The following C17orf78 variants were observed in gnomAD, a reference collection of about 807,000 sequenced individuals.
C17orf78 encodes the protein uncharacterized protein C17orf78.
Under a neutral mutation model 31.8 loss-of-function variants are expected in C17orf78, and 27 were observed. The ratio of observed to expected loss-of-function variants is 0.85; its 90% CI spans 0.63 to 1.17. The LOEUF (loss-of-function observed/expected upper bound fraction) is 1.17. C17orf78 is among the 50% of genes most tolerant of loss of function. The probability of loss-of-function intolerance (pLI) is 0.00; values close to 1 mark genes in which losing one functional copy is unlikely to be tolerated. For missense variants in C17orf78, 258 were observed against 315.2 expected, an observed-to-expected ratio of 0.82 and a Z score of 1.37; for synonymous variants, 106 against 115.1, an observed-to-expected ratio of 0.92 and a Z score of 0.51.
chr17:37,385,552 G>A (rs1037788041), intron 3 of C17orf78, among the ~76,000 whole-genome samples: 1 of 152,012 alleles, frequency 6.6e-6, no homozygotes, highest in African/African-American at 2.4e-5. Context: ...AGCTCCTCCT[G>A]CTTTCCCCAG....
intron 3 of C17orf78, among the ~76,000 whole-genome samples, chr17:37,382,468 T>C (rs2050340054): frequency 1.3e-5 from 2 of 151,896 alleles, no homozygotes; most frequent in African/African-American, 2.4e-5. Context: ...TTTAGAGAAA[T>C]TGGGGATCCA....
At chr17:37,379,009 C>G in intron 2 of C17orf78, 128 bp from the exon 3 acceptor site, 2 of 1,158,980 alleles carry the variant, frequency 1.7e-6, no homozygotes, top group Non-Finnish European at 2.4e-6. Context: ...GAGTTTGAGG[C>G]TGGAGTGAGC....
At chr17:37,386,984 A>G (rs2050565620) in intron 4 of C17orf78, 1 of 151,946 alleles carries the variant, frequency 6.6e-6, no homozygotes, top group Non-Finnish European at 1.5e-5. Flanking sequence ...TGTTCAGCTA[A>G]TTTTTAAATT....
intron 3 of C17orf78, among the ~76,000 whole-genome samples, chr17:37,382,763 G>T (rs922646857): frequency 1.3e-5 from 2 of 152,186 alleles, no homozygotes; most frequent in Admixed American, 6.5e-5. Context: ...AGGAGGCTGA[G>T]ACAGAAGAAT....
At position 37,386,047 on chromosome 17, in the gene C17orf78, G is replaced by C; in HGVS notation, c.430G>C (p.Ala144Pro). ...PGISQCKVLG[A>P]SSETFPTTAP... The stretch of plus-strand genomic sequence containing the variant: ...GATCTCACAATGTAAAGTCCTGGGG[G>C]CTTCATCAGAGACTTTTCCCACCAC... Residue 144 changes from alanine to proline, a missense_variant, in exon 4 of 7, where the codon GCT becomes CCT. Physicochemically the swap from Ala to Pro is conservative, Grantham distance 27. Transcript: ENST00000615133. 1 of 1,604,956 alleles carries C rather than the reference G, an allele frequency of 6.2e-7. No homozygotes were observed. The highest frequency in any genetic ancestry group is 8.5e-7 in the Non-Finnish European group (1 of 1,173,312).
At position 37,391,738 on chromosome 17, in the gene C17orf78, A is replaced by C. The variant is rs1218202365; in HGVS notation, c.*14A>C. 1 of 1,607,066 alleles carries C rather than the reference A, an allele frequency of 6.2e-7. No individual in the cohort carries two copies. The highest frequency in any genetic ancestry group is 8.5e-7 in the Non-Finnish European group (1 of 1,174,020). On this transcript the variant is annotated 3_prime_UTR_variant, in exon 7 of 7. Transcript: ENST00000615133. ...ACATACTTCTGAAAAGTTCTGCTCT[A>C]TCTCAAAGACTGAATGATACTACAC...
intron 1 of C17orf78, among the ~76,000 whole-genome samples, chr17:37,377,552 C>T (rs964723129): frequency 1.1e-4 from 16 of 151,978 alleles, no homozygotes; most frequent in Admixed American, 2.6e-4. Flanking sequence ...CCCAGCTACT[C>T]GGGAGGCTGA....
At chr17:37,379,445 C>G (rs1328386736) in intron 3 of C17orf78, 63 bp downstream of exon 3, 2 of 1,531,442 alleles carry the variant, frequency 1.3e-6, no homozygotes, top group African/African-American at 2.8e-5. Context: ...TGAAGGCAGC[C>G]AGAACTCCGT....
intron 6 of C17orf78, among the ~76,000 whole-genome samples, chr17:37,390,129 T>A (rs8076683): frequency 2.1e-5 from 1 of 47,588 alleles, no homozygotes; most frequent in African/African-American, 1.0e-4. Flanking sequence ...CTGTCTCTAT[T>A]AAAAAAAAAA....
chr17:37,390,185 C>CAT, intron 6 of C17orf78, among the ~76,000 whole-genome samples: 1 of 51,592 alleles, frequency 1.9e-5, no homozygotes, highest in Non-Finnish European at 3.2e-5. Context: ...TACACACACA[C>CAT]ATTATATATA....
intron 6 of C17orf78, among the ~76,000 whole-genome samples, chr17:37,390,275 T>TATAATTATATATATATA (rs1568095529): frequency 1.5e-5 from 1 of 68,610 alleles, no homozygotes; most frequent in African/African-American, 6.9e-5. Context: ...ATATATAATA[T>TATAATTATATATATATA]ATTATATATA....
intron 6 of C17orf78, among the ~76,000 whole-genome samples, chr17:37,390,258 T>C (rs1334946885): frequency 1.6e-5 from 1 of 63,772 alleles, no homozygotes; most frequent in African/African-American, 7.4e-5. Flanking sequence ...ATATATTATA[T>C]ATAATTATAT....
chr17:37,389,321 C>G lies in C17orf78; in HGVS notation c.709C>G (p.Pro237Ala). 1 of 1,595,524 alleles carries G rather than the reference C, an allele frequency of 6.3e-7. No individual in the cohort carries two copies. The highest frequency in any genetic ancestry group is 1.7e-4 in the Middle Eastern group (1 of 6,036). ...ATGGCAAAAGAAGGGAGGCCAGCCACCTGGGACAGCTGAATCCAAGCCTGA... is the reference window on the plus strand; with the variant it reads ...ATGGCAAAAGAAGGGAGGCCAGCCAGCTGGGACAGCTGAATCCAAGCCTGA... ...WRWQKKGGQP[P>A]GTAESKPDSQ... is the part of the protein sequence containing the mutation. Residue 237 changes from proline to alanine, a missense_variant, in exon 6 of 7, where the codon CCT becomes GCT. Coordinates refer to ENST00000615133, the MANE Select transcript of C17orf78 (RefSeq NM_173625.5).
intron 4 of C17orf78, 106 bp from the exon 5 acceptor site, chr17:37,388,564 G>A: frequency 7.5e-7 from 1 of 1,337,376 alleles, no homozygotes; most frequent in Non-Finnish European, 1.0e-6. Flanking sequence ...GGTTAGTCTG[G>A]GCCTCTAATA....
chr17:37,379,472 A>G (rs2050150638), intron 3 of C17orf78, 90 bp downstream of exon 3: 1 of 1,443,646 alleles, frequency 6.9e-7, no homozygotes, highest in Non-Finnish European at 9.3e-7. Context: ...AAAAGCTACA[A>G]GAAAATGAAT....
chr17:37,385,789 T>A (rs888596038), intron 3 of C17orf78, among the ~76,000 whole-genome samples: 1 of 152,182 alleles, frequency 6.6e-6, no homozygotes, highest in Non-Finnish European at 1.5e-5. Flanking sequence ...CTATGTTAGT[T>A]AAAAGTCCCA....
intron 2 of C17orf78, among the ~76,000 whole-genome samples, chr17:37,378,848 G>C (rs1045157441): frequency 2.6e-5 from 4 of 152,130 alleles, no homozygotes; most frequent in African/African-American, 7.2e-5. Flanking sequence ...GATTGCTTGA[G>C]CCCAGGAGTT....
At chr17:37,390,334 A>ATATATATATATATATATATATATTTAT (rs2050822111) in intron 6 of C17orf78, among the ~76,000 whole-genome samples, 1 of 93,444 alleles carries the variant, frequency 1.1e-5, no homozygotes, top group Non-Finnish European at 1.9e-5. Context: ...ATATATATAT[A>ATATATATATATATATATATATATTTAT]AAAGGCCAGC....
chr17:37,389,118 G>T, intron 5 of C17orf78, 128 bp from the exon 6 acceptor site: 5 of 1,244,950 alleles, frequency 4.0e-6, no homozygotes, highest in Non-Finnish European at 5.5e-6. Context: ...AGGAAGGATA[G>T]GTCCAATAGG....
Sources: gnomAD v4.1 joint callset for allele counts (sites outside exome capture counted in the v4.1 genomes callset) on GRCh38, gnomAD v4.1.1 for gene constraint, MANE v1.5 for transcripts, NCBI Gene and HGNC (gene_info 2026-07-23, HGNC 2026-07-21) for gene names.